The following APOL4 variants were observed in gnomAD, a reference collection of about 807,000 sequenced individuals.
The protein encoded by APOL4 is apolipoprotein L, 4.
A neutral mutation model predicts 12.1 loss-of-function variants in APOL4; 14 were observed. The ratio of observed to expected loss-of-function variants is 1.16; its 90% CI spans 0.76 to 1.81. The LOEUF (loss-of-function observed/expected upper bound fraction) is 1.81, where lower values mean the gene tolerates loss of function less well. Ranked by LOEUF, APOL4 falls within the 40% of genes most tolerant of loss-of-function variation. APOL4 has a pLI of 0.00. For synonymous variants in APOL4, 171 were observed against 160.6 expected, an observed-to-expected ratio of 1.06 and a Z score of -0.49; for missense variants, 432 against 423.1, an observed-to-expected ratio of 1.02 and a Z score of -0.18.
chr22:36,201,351 G>T (rs980774948), intron 1 of APOL4, among the ~76,000 whole-genome samples: 1 of 150,176 alleles, frequency 6.7e-6, no homozygotes, highest in East Asian at 2.0e-4. Context: ...TCATACTAAA[G>T]CCCCCTCCTC....
At chr22:36,204,503 C>G (rs758432149), upstream of APOL4, 2 of 210,614 alleles carry the variant, frequency 9.5e-6, no homozygotes, top group South Asian at 1.6e-4. Flanking sequence ...CCACTGCTTT[C>G]CTGTCTGATC....
In APOL4 at chr22:36,191,365, T is replaced by A; in HGVS notation, c.757A>T (p.Thr253Ser). ...DVHTLRRSKA[T>S]VGRPLIAWRY... is the part of the protein sequence containing the mutation. ...CAAGCAATCAAAGGGCGTCCAACAG[T>A]GGCTTTAGATCTCCTGAGTGTATGG... Residue 253 changes from threonine (T) to serine (S), a missense_variant, in exon 4 of 4, where the codon ACT (threonine) becomes TCT (serine). Thr to Ser is a moderately conservative substitution (Grantham distance 58). Coordinates refer to ENST00000683024, the MANE Select transcript of APOL4 (RefSeq NM_001386885.1). 6.2e-7 allele frequency: 1 copy of A among 1,614,066 alleles called. No homozygotes were observed. The highest frequency in any genetic ancestry group is 8.5e-7 in the Non-Finnish European group (1 of 1,179,900).
chr22:36,204,792 C>T (rs929779377), upstream of APOL4: 16 of 238,930 alleles, frequency 6.7e-5, no homozygotes, highest in Non-Finnish European at 1.3e-4. Flanking sequence ...TTCCCAGCAG[C>T]TCACAATCAA....
chr22:36,199,591 A>G, intron 1 of APOL4: 1 of 1,557,426 alleles, frequency 6.4e-7, no homozygotes, highest in Non-Finnish European at 8.7e-7. Flanking sequence ...TCTCACACCA[A>G]GGAAAAGTCC....
chr22:36,195,275 C>T lies in APOL4; in HGVS notation c.209+36G>A, dbSNP rs200699444. The T allele has an allele frequency of 1.6e-4, 253 of 1,599,774 alleles. 1 individual carries two copies. Among genetic ancestry groups the T allele is most frequent in the Non-Finnish European group, 2.0e-4 (237 of 1,172,914 alleles). ...CCCGGGGAGATCTGGGTGGCATCAC[C>T]GGGGTGCCCCAAGGAGGTAACCCCA... On this transcript the variant is annotated intron_variant, in intron 3 of 3. Coordinates refer to ENST00000683024, the MANE Select transcript of APOL4 (RefSeq NM_001386885.1).
At chr22:36,196,092 T>C (rs1031261847) in intron 2 of APOL4, among the ~76,000 whole-genome samples, 3 of 152,188 alleles carry the variant, frequency 2.0e-5, no homozygotes, top group African/African-American at 4.8e-5. Context: ...TTCCACCATG[T>C]TTTCTCCCCA....
upstream of APOL4, among the ~76,000 whole-genome samples, chr22:36,203,615 G>A (rs1364193134): frequency 6.6e-6 from 1 of 152,130 alleles, no homozygotes; most frequent in African/African-American, 2.4e-5. Flanking sequence ...ATGGAAACAG[G>A]ACGTGAAGCT....
At chr22:36,199,847 C>T (rs971655267) in intron 1 of APOL4, among the ~76,000 whole-genome samples, 2 of 151,952 alleles carry the variant, frequency 1.3e-5, no homozygotes, top group East Asian at 1.9e-4. Context: ...CTCGCTCTGT[C>T]GTCCAGGTGG....
chr22:36,190,943 C>A lies in APOL4; in HGVS notation c.*132G>T. 1 of 811,938 alleles carries A rather than the reference C, an allele frequency of 1.2e-6. No homozygotes were observed. Among genetic ancestry groups the A allele is most frequent in the Non-Finnish European group, 1.9e-6 (1 of 530,538 alleles). The allele number at this position is 811,938 out of a possible 1,614,324, so 50.3% of individuals were successfully genotyped here. On this transcript the variant is annotated 3_prime_UTR_variant, in exon 4 of 4. Coordinates refer to ENST00000683024, the MANE Select transcript of APOL4 (RefSeq NM_001386885.1). ...GTTTAGAGATTGCGGTAAAGACAGG[C>A]ATAGGAAATTATAAAAGTATTAATT... is the stretch of plus-strand genomic sequence containing the variant.
chr22:36,198,251 A>G (rs142733455), intron 2 of APOL4, among the ~76,000 whole-genome samples: 246 of 152,080 alleles, frequency 1.6e-3, no homozygotes, highest in African/African-American at 5.6e-3. Context: ...GCATTCAGAG[A>G]CCTCCCTAAA....
upstream of APOL4, chr22:36,202,130 A>G (rs2014601655): frequency 2.1e-5 from 33 of 1,601,900 alleles, no homozygotes; most frequent in Non-Finnish European, 2.7e-5. Flanking sequence ...TTTTTAATAA[A>G]CCGTTTTGCT....
chr22:36,204,601 AGGG>A (rs2014673813), upstream of APOL4: 4 of 422,624 alleles, frequency 9.5e-6, no homozygotes, highest in South Asian at 1.5e-4. Context: ...AAGGAGATGG[AGGG>A]AGGTCACACC....
chr22:36,201,712 A>G lies in APOL4; in HGVS notation c.23T>C (p.Ile8Thr), dbSNP rs1414587243. 1.2e-6 allele frequency: 2 copies of G among 1,608,350 alleles called. No homozygotes were observed. The highest frequency in any genetic ancestry group is 4.5e-5 in the East Asian group (2 of 44,706). The change falls in exon 1 of 4, where the codon ATC becomes ACC. Residue 8 changes from isoleucine to threonine, a missense_variant. Physicochemically the swap from Ile to Thr is moderately conservative, Grantham distance 89. Coordinates refer to ENST00000683024, the MANE Select transcript of APOL4 (RefSeq NM_001386885.1). ...GCCTCGGACTCACCCGACGCTTGTG[A>G]TGAGCTGCACCCAGGATCCCATCCT... MGSWVQL[I>T]TSVGVQQNHP...
chr22:36,204,155 T>C (rs990749566), upstream of APOL4, among the ~76,000 whole-genome samples: 2 of 152,136 alleles, frequency 1.3e-5, no homozygotes, highest in Non-Finnish European at 2.9e-5. Context: ...CTAGGTTCCT[T>C]GTATCTCAAA....
chr22:36,192,043 A>G, intron 3 of APOL4, 131 bp from the exon 4 acceptor site: 1 of 948,202 alleles, frequency 1.1e-6, no homozygotes, highest in South Asian at 1.9e-5. Flanking sequence ...TCTAAAAGAT[A>G]AATAATTCTT....
chr22:36,195,565 C>T (rs534254875), intron 2 of APOL4, 128 bp from the exon 3 acceptor site: 3 of 1,051,888 alleles, frequency 2.9e-6, no homozygotes, highest in Non-Finnish European at 2.7e-6. Flanking sequence ...GATGGAGGCA[C>T]CAGTGCTATA....
intron 3 of APOL4, among the ~76,000 whole-genome samples, chr22:36,192,296 C>T (rs892698981): frequency 1.3e-4 from 20 of 152,176 alleles, no homozygotes; most frequent in Non-Finnish European, 2.2e-4. Flanking sequence ...GCCGAGATCG[C>T]GCCACTGCAC....
rs1239276806 is a variant in APOL4, at chr22:36,201,772, C to T, written c.-38G>A. On this transcript the variant is annotated 5_prime_UTR_variant, in exon 1 of 4. Transcript: ENST00000683024. Reference sequence around the variant, plus strand: ...TTGTTGGCCTGGCTCAGACGCTGATCTGGGGCCTCTGCTGAATGTTGAGGC... The same window carrying T: ...TTGTTGGCCTGGCTCAGACGCTGATTTGGGGCCTCTGCTGAATGTTGAGGC... 3 of 1,593,466 alleles carry T rather than the reference C, an allele frequency of 1.9e-6. No individual in the cohort carries two copies. Among genetic ancestry groups the T allele is most frequent in the Non-Finnish European group, 2.6e-6 (3 of 1,169,804 alleles).
At chr22:36,195,498 A>C (rs2014378596) in intron 2 of APOL4, 61 bp from the exon 3 acceptor site, 1 of 1,572,818 alleles carries the variant, frequency 6.4e-7, no homozygotes, top group Non-Finnish European at 8.6e-7. Flanking sequence ...AATGGCATTG[A>C]GTATAAGGTG....
Sources: gnomAD v4.1 joint callset for allele counts (sites outside exome capture counted in the v4.1 genomes callset) on GRCh38, gnomAD v4.1.1 for gene constraint, MANE v1.5 for transcripts, NCBI Gene and HGNC (gene_info 2026-07-23, HGNC 2026-07-21) for gene names.